Variants in RAB3D observed in about 807,000 individuals in gnomAD.
RAB3D encodes ras-related protein Rab-3D.
RAB3D carries 17 observed loss-of-function variants against 19.3 expected under a neutral mutation model. The observed-to-expected ratio is 0.88, with a 90% CI of 0.60 to 1.32. RAB3D has a LOEUF of 1.32. RAB3D is among the 40% of genes most tolerant of loss of function. The pLI, the probability that RAB3D is intolerant of heterozygous loss-of-function variation, is 0.00. For missense variants in RAB3D, 223 were observed against 299.1 expected (o/e 0.75, Z 1.88); for synonymous variants, 103 against 119.9 (o/e 0.86, Z 0.92).
At chr19:11,334,631 A>G (rs1050001078) in intron 4 of RAB3D, among the ~76,000 whole-genome samples, 1 of 151,530 alleles carries the variant, frequency 6.6e-6, no homozygotes, top group Admixed American at 6.6e-5. Context: ...TCCACGCAAA[A>G]TTAAAAAAAA....
rs755598316 is a variant in RAB3D, at chr19:11,325,529, C to A, written c.529G>T (p.Glu177Ter). ...TCGCAGATGACATCCACCAGGCGCT[C>A]GAAGACCTGCTTCACATTGATGTTC... ...KENINVKQVF[E>*]RLVDVICEKM... Residue 177 changes from glutamate to a stop codon, truncating the protein, a stop_gained, in exon 5 of 5, where the codon GAG becomes TAG. Transcript: ENST00000222120. LOFTEE classifies it high-confidence loss of function. 24 of 1,613,608 alleles carry A rather than the reference C, an allele frequency of 1.5e-5. No individual in the cohort carries two copies. The highest frequency in any genetic ancestry group is 1.8e-5 in the Non-Finnish European group (21 of 1,180,002).
intron 4 of RAB3D, chr19:11,326,829 T>G: frequency 3.0e-6 from 2 of 677,814 alleles, no homozygotes; most frequent in Non-Finnish European, 2.7e-6. Flanking sequence ...AGGCTGGTCT[T>G]GAACTGCTGG....
intron 4 of RAB3D, among the ~76,000 whole-genome samples, chr19:11,330,004 A>T (rs1158086881): frequency 1.3e-5 from 2 of 152,160 alleles, no homozygotes; most frequent in Admixed American, 6.6e-5. Context: ...TTTTAAACAT[A>T]ATAACAGAAA....
At chr19:11,337,145 C>T in intron 2 of RAB3D, 27 bp downstream of exon 2, 5 of 1,600,836 alleles carry the variant, frequency 3.1e-6, no homozygotes, top group Non-Finnish European at 4.3e-6. Context: ...ACCCCACCCC[C>T]AACCCACAGC....
chr19:11,332,056 G>T (rs1257550374), intron 4 of RAB3D, among the ~76,000 whole-genome samples: 1 of 152,114 alleles, frequency 6.6e-6, no homozygotes, highest in Non-Finnish European at 1.5e-5. Flanking sequence ...TTTCTTAGAT[G>T]GAGTTTCACT....
intron 4 of RAB3D, among the ~76,000 whole-genome samples, chr19:11,329,726 G>A (rs911111219): frequency 1.3e-5 from 2 of 152,066 alleles, no homozygotes. Context: ...CCATCACCCA[G>A]GCTGGAACGC....
In RAB3D at chr19:11,322,345, A is replaced by AAAG. The variant is rs201877596; in HGVS notation, c.*3050_*3052dup. ...GGGAGGAGTCCCCCAGTCCCCCGAA[A>AAAG]AAGAAGAAGAAAAAAAAAAAGCAGA... On this transcript the variant is annotated 3_prime_UTR_variant, in exon 5 of 5. Coordinates refer to ENST00000222120, the MANE Select transcript of RAB3D (RefSeq NM_004283.4). 2 of 151,624 alleles carry AAAG rather than the reference A, an allele frequency of 1.3e-5. No homozygotes were observed. Among genetic ancestry groups the AAAG allele is most frequent in the Non-Finnish European group, 2.9e-5 (2 of 67,960 alleles). The allele number at this position is 151,624 out of a possible 1,614,324, so 9.4% of individuals were successfully genotyped here. A position where few individuals can be genotyped will look rare whatever the true frequency, so the allele number is the denominator to read the frequency against.
intron 4 of RAB3D, among the ~76,000 whole-genome samples, chr19:11,330,068 G>A (rs2080830447): frequency 6.6e-6 from 1 of 152,056 alleles, no homozygotes; most frequent in East Asian, 1.9e-4. Context: ...AGTAGGTGTG[G>A]AAAGCACCTC....
chr19:11,325,692 G>A (rs998777318), intron 4 of RAB3D, 107 bp from the exon 5 acceptor site: 2 of 1,069,262 alleles, frequency 1.9e-6, no homozygotes, highest in Non-Finnish European at 2.7e-6. Flanking sequence ...TCTTTATCCT[G>A]CTGTGGGACC....
At chr19:11,328,557 G>A (rs1362571041) in intron 4 of RAB3D, among the ~76,000 whole-genome samples, 2 of 152,004 alleles carry the variant, frequency 1.3e-5, no homozygotes, top group Admixed American at 6.6e-5. Context: ...TGAGGCAGAA[G>A]AATTGCTTGA....
At chr19:11,332,461 C>T (rs539019648) in intron 4 of RAB3D, among the ~76,000 whole-genome samples, 1 of 152,310 alleles carries the variant, frequency 6.6e-6, no homozygotes, top group East Asian at 1.9e-4. Flanking sequence ...CCTCCCACCT[C>T]AGCCTCCTGA....
intron 1 of RAB3D, among the ~76,000 whole-genome samples, chr19:11,337,929 T>C (rs1378753512): frequency 6.6e-6 from 1 of 152,154 alleles, no homozygotes; most frequent in Non-Finnish European, 1.5e-5. Flanking sequence ...TGCCTCAGCC[T>C]TCCAATGTGC....
chr19:11,329,276 T>C (rs1001820152), intron 4 of RAB3D, among the ~76,000 whole-genome samples: 1 of 152,062 alleles, frequency 6.6e-6, no homozygotes, highest in African/African-American at 2.4e-5. Context: ...AGGGGATGTG[T>C]GTGTGCACAT....
chr19:11,329,995 T>C (rs2080830165), intron 4 of RAB3D, among the ~76,000 whole-genome samples: 1 of 152,118 alleles, frequency 6.6e-6, no homozygotes, highest in Non-Finnish European at 1.5e-5. Flanking sequence ...ACTCCAATAT[T>C]TTAAACATAA....
At chr19:11,334,948 C>T (rs1428152638) in intron 4 of RAB3D, among the ~76,000 whole-genome samples, 4 of 151,650 alleles carry the variant, frequency 2.6e-5, no homozygotes, top group Admixed American at 6.6e-5. Flanking sequence ...ACCTGGGAAG[C>T]GGAGCTTGCA....
Position 11,323,073 on chromosome 19 carries a change from C to T in RAB3D, c.*2325G>A, listed in dbSNP as rs972732883. On this transcript the variant is annotated 3_prime_UTR_variant, in exon 5 of 5. Transcript: ENST00000222120. Reference sequence around the variant, plus strand: ...GTTGCAGTGAGCTGAGATCATGCTACTGCACTGCGGCCTGGGCGACGAGCG... The same window carrying T: ...GTTGCAGTGAGCTGAGATCATGCTATTGCACTGCGGCCTGGGCGACGAGCG... 2 of 150,972 alleles carry T rather than the reference C, an allele frequency of 1.3e-5. No individual in the cohort carries two copies. The highest frequency in any genetic ancestry group is 2.9e-5 in the Non-Finnish European group (2 of 67,892). 9.4% of individuals were successfully genotyped at this position (150,972 alleles called of 1,614,324 possible).
Position 11,339,597 on chromosome 19 carries a change from C to G in RAB3D, c.-190G>C, listed in dbSNP as rs1354772692. 3 of 152,390 alleles carry G rather than the reference C, an allele frequency of 2.0e-5. No individual in the cohort carries two copies. Among genetic ancestry groups the G allele is most frequent in the Admixed American group, 6.5e-5 (1 of 15,282 alleles). The allele number at this position is 152,390 out of a possible 1,614,324, so 9.4% of individuals were successfully genotyped here. A position where few individuals can be genotyped will look rare whatever the true frequency, so the allele number is the denominator to read the frequency against. Reference sequence around the variant, plus strand: ...TTGGCCCTGGCCGCGACCCCGACCCCGCAGCCGCAGAAGCCAGCAGCCTGC... The same window carrying G: ...TTGGCCCTGGCCGCGACCCCGACCCGGCAGCCGCAGAAGCCAGCAGCCTGC... On this transcript the variant is annotated 5_prime_UTR_variant, in exon 1 of 5. Coordinates refer to ENST00000222120, the MANE Select transcript of RAB3D (RefSeq NM_004283.4).
chr19:11,326,722 G>A, intron 4 of RAB3D: 1 of 684,710 alleles, frequency 1.5e-6, no homozygotes, highest in Non-Finnish European at 2.6e-6. Flanking sequence ...TCCCGCCTTG[G>A]CCCCCTGAGT....
intron 4 of RAB3D, among the ~76,000 whole-genome samples, chr19:11,334,309 A>C (rs1363460923): frequency 6.6e-6 from 1 of 151,936 alleles, no homozygotes; most frequent in Admixed American, 6.6e-5. Context: ...ATCTCTACTG[A>C]AAATACAAAA....
Sources: allele counts gnomAD v4.1 joint callset (sites outside exome capture counted in the v4.1 genomes callset), GRCh38; gene constraint gnomAD v4.1.1; transcripts MANE v1.5; gene names NCBI Gene and HGNC (gene_info 2026-07-23, HGNC 2026-07-21).